LRRC41: variants seen among roughly 807,000 people sequenced by gnomAD.
LRRC41 encodes leucine-rich repeat-containing protein 41.
Under a neutral mutation model 72.1 loss-of-function variants are expected in LRRC41, and 17 were observed. That is an observed-to-expected ratio of 0.24 (90% CI 0.16 to 0.35). The LOEUF (loss-of-function observed/expected upper bound fraction) is 0.35. Ranked by LOEUF, LRRC41 falls within the 10% of genes least tolerant of loss-of-function variation. The pLI, the probability that LRRC41 is intolerant of heterozygous loss-of-function variation, is 1.00. For synonymous variants in LRRC41, 427 were observed against 431.0 expected (o/e 0.99, Z 0.11); for missense variants, 759 against 1,065.0 (o/e 0.71, Z 4.00).
chr1:46,298,271 G>C lies in LRRC41; in HGVS notation c.286+13C>G. On this transcript the variant is annotated intron_variant, in intron 2 of 9. Coordinates refer to ENST00000617190, the MANE Select transcript of LRRC41 (RefSeq NM_006369.5). ...ATAATCATTGACTGAGAAAGAGACA[G>C]AAAGATACTCACCTTTCTTGAGGGC... 6.4e-7 allele frequency: 1 copy of C among 1,552,850 alleles called. No individual in the cohort carries two copies. Among genetic ancestry groups the C allele is most frequent in the Non-Finnish European group, 8.9e-7 (1 of 1,128,256 alleles).
chr1:46,279,679 C>T lies in LRRC41; in HGVS notation c.2021-65G>A. The T allele has an allele frequency of 2.5e-6, 4 of 1,604,606 alleles. No individual in the cohort carries two copies. The highest frequency in any genetic ancestry group is 3.4e-6 in the Non-Finnish European group (4 of 1,173,680). On this transcript the variant is annotated intron_variant, in intron 7 of 9. Coordinates refer to ENST00000617190, the MANE Select transcript of LRRC41 (RefSeq NM_006369.5). This position sits in a 1 kb window ranked among gnomAD's most constrained non-coding sequence, Gnocchi z 4.5. ...AGGACTGGTGCTGCCCCTCCTGCCC[C>T]AGTTGGCCCTAGCAAGGGGTATTAA...
At position 46,277,513 on chromosome 1, in the gene LRRC41, T is replaced by G; in HGVS notation, c.*1352A>C. ...TTGAATGAGTTAGAGTTGGGCTTGG[T>G]GCAGAAATCTGAAGCTGCAGCAGAC... is the stretch of plus-strand genomic sequence containing the variant. On this transcript the variant is annotated 3_prime_UTR_variant, in exon 10 of 10. Transcript: ENST00000617190. 2.2e-6 allele frequency: 1 copy of G among 463,348 alleles called. No homozygotes were observed. Among genetic ancestry groups the G allele is most frequent in the Non-Finnish European group, 4.0e-6 (1 of 252,322 alleles). The allele number at this position is 463,348 out of a possible 1,614,324, so 28.7% of individuals were successfully genotyped here. A position where few individuals can be genotyped will look rare whatever the true frequency, so the allele number is the denominator to read the frequency against.
At chr1:46,290,402 C>T (rs937367800) in intron 3 of LRRC41, among the ~76,000 whole-genome samples, 3 of 152,070 alleles carry the variant, frequency 2.0e-5, no homozygotes, top group African/African-American at 7.2e-5. Context: ...GGAGTGAGAC[C>T]GTCTCAAAAG....
chr1:46,280,683 G>T, intron 5 of LRRC41, 123 bp from the exon 6 acceptor site: 1 of 945,052 alleles, frequency 1.1e-6, no homozygotes, highest in Non-Finnish European at 1.6e-6. Flanking sequence ...GTCGTTGAGT[G>T]CCTACCATAT....
chr1:46,299,783 A>G (rs1176664570), intron 1 of LRRC41: 1 of 151,826 alleles, frequency 6.6e-6, no homozygotes, highest in Non-Finnish European at 1.5e-5. Flanking sequence ...AGGCTGAGGC[A>G]CAAGAATCAC....
rs1236461174 is a variant in LRRC41 at position 46,281,320 on chromosome 1, G to A, written c.1561C>T (p.Arg521Cys). The part of the protein sequence containing the change: ...LRALSGQAGC[R>C]LRALHLSDLF... ...TCACTGAGATGCAGGGCACGGAGGCGACATCCAGCCTGGCCTGACAGGGCC... is the reference window on the plus strand; with the variant it reads ...TCACTGAGATGCAGGGCACGGAGGCAACATCCAGCCTGGCCTGACAGGGCC... Residue 521 changes from arginine to cysteine, a missense_variant, in exon 5 of 10, where the codon CGC becomes TGC. Physicochemically the swap from Arg to Cys is radical, Grantham distance 180. This residue lies in a region of LRRC41 where 427 missense variants were observed against 520.9 expected (regional missense o/e 0.82). Transcript: ENST00000617190. 9 of 1,614,168 alleles carry A rather than the reference G, an allele frequency of 5.6e-6. No homozygotes were observed. Among genetic ancestry groups the A allele is most frequent in the African/African-American group, 1.3e-5 (1 of 75,048 alleles).
chr1:46,295,696 A>G (rs1661109477), intron 3 of LRRC41, among the ~76,000 whole-genome samples: 1 of 152,242 alleles, frequency 6.6e-6, no homozygotes, highest in Non-Finnish European at 1.5e-5. Flanking sequence ...TATAATCTTT[A>G]TCACTTGCTG....
chr1:46,297,949 C>A (rs1235786155), intron 2 of LRRC41, among the ~76,000 whole-genome samples: 1 of 152,162 alleles, frequency 6.6e-6, no homozygotes, highest in Non-Finnish European at 1.5e-5. Context: ...ATGCTTGACA[C>A]ATTAGGGTTA....
chr1:46,277,742 T>C lies in LRRC41; in HGVS notation c.*1123A>G. ...TCGGGTAGCTGTAGTTTCAACCCTT[T>C]GGTTTTCCTGCTCCCTTTTTATGAG... is the stretch of plus-strand genomic sequence containing the variant. On this transcript the variant is annotated 3_prime_UTR_variant, in exon 10 of 10. Transcript: ENST00000617190. The C allele has an allele frequency of 6.7e-7, 1 of 1,502,418 alleles. No homozygotes were observed. The highest frequency in any genetic ancestry group is 9.2e-7 in the Non-Finnish European group (1 of 1,085,924). The allele number at this position is 1,502,418 out of a possible 1,614,324, so 93.1% of individuals were successfully genotyped here.
intron 7 of LRRC41, 121 bp downstream of exon 7, chr1:46,280,071 T>G: frequency 1.4e-6 from 1 of 727,606 alleles, no homozygotes; most frequent in Non-Finnish European, 2.4e-6. Flanking sequence ...ATGCAGGTTC[T>G]ATATCCATTT....
rs1660888234 is a variant in LRRC41 at position 46,286,591 on chromosome 1, C to T, written c.358-92G>A. ...TCCAATAGCACACTATTTACTGAGT[C>T]AGGCAACACTACAAATTCATTTAAT... On this transcript the variant is annotated intron_variant, in intron 3 of 9. Transcript: ENST00000617190. This position sits in a 1 kb window ranked among gnomAD's most constrained non-coding sequence, Gnocchi z 5.5. The T allele has an allele frequency of 1.8e-6, 2 of 1,142,726 alleles. No homozygotes were observed. Among genetic ancestry groups the T allele is most frequent in the African/African-American group, 1.5e-5 (1 of 64,518 alleles). 70.8% of individuals were successfully genotyped at this position (1,142,726 alleles called of 1,614,324 possible). A position where few individuals can be genotyped will look rare whatever the true frequency, so the allele number is the denominator to read the frequency against.
chr1:46,300,951 T>A (rs1047165446), intron 1 of LRRC41, among the ~76,000 whole-genome samples: 9 of 152,118 alleles, frequency 5.9e-5, no homozygotes, highest in Admixed American at 3.9e-4. Flanking sequence ...TCCTCCCCTG[T>A]CTCCTCTCAA....
rs1471613980 is a variant in LRRC41, at chr1:46,303,360, G to A, written c.-38C>T. On this transcript the variant is annotated 5_prime_UTR_variant, in exon 1 of 10. Transcript: ENST00000617190. ...CGCGAGCCCGAGAGTGTCGCCCGCG[G>A]ACCGCCATCTTGAAAAGGTCAGCAG... 3 of 1,466,854 alleles carry A rather than the reference G, an allele frequency of 2.0e-6. No individual in the cohort carries two copies. 90.9% of individuals were successfully genotyped at this position (1,466,854 alleles called of 1,614,324 possible).
intron 3 of LRRC41, among the ~76,000 whole-genome samples, chr1:46,296,332 G>A (rs1661125864): frequency 6.6e-6 from 1 of 152,200 alleles, no homozygotes; most frequent in Non-Finnish European, 1.5e-5. Context: ...CAGGAGAATT[G>A]CTTGAACCCG....
intron 3 of LRRC41, among the ~76,000 whole-genome samples, chr1:46,287,664 T>C (rs959691925): frequency 6.6e-6 from 1 of 152,210 alleles, no homozygotes; most frequent in Non-Finnish European, 1.5e-5. Flanking sequence ...TGTCCTTTCC[T>C]ACATCTACCA....
chr1:46,284,732 A>G (rs959129782), intron 4 of LRRC41, among the ~76,000 whole-genome samples: 2 of 152,096 alleles, frequency 1.3e-5, no homozygotes, highest in Admixed American at 6.6e-5. Context: ...AGGGAAAAGG[A>G]GAGTTTGGAA....
At position 46,286,929 on chromosome 1, in the gene LRRC41, G is replaced by A. The variant is rs1366195930; in HGVS notation, c.358-430C>T. 6.6e-6 allele frequency among the ~76,000 whole-genome samples: 1 copy of A among 151,804 alleles called. No homozygotes were observed. The highest frequency in any genetic ancestry group is 1.5e-5 in the Non-Finnish European group (1 of 67,918). On this transcript the variant is annotated intron_variant, in intron 3 of 9. Coordinates refer to ENST00000617190, the MANE Select transcript of LRRC41 (RefSeq NM_006369.5). This position sits in a 1 kb window ranked among gnomAD's most constrained non-coding sequence, Gnocchi z 5.5. ...TGCCTCCCAGGTTCAAGTGATTCTC[G>A]TGCCTCAGCCTCCAGAGAAGCTGGG...
In LRRC41 at chr1:46,292,258, C is replaced by CA. The variant is rs769710803; in HGVS notation, c.357+5304dup. 5.1e-3 allele frequency among the ~76,000 whole-genome samples: 636 copies of CA among 125,864 alleles called. 2 individuals carry two copies. Among genetic ancestry groups the CA allele is most frequent in the East Asian group, 0.021 (93 of 4,458 alleles). 82.6% of individuals were successfully genotyped at this position (125,864 alleles called of 152,430 possible). On this transcript the variant is annotated intron_variant, in intron 3 of 9. Transcript: ENST00000617190. ...TGGGTGACAGAGAGAGACTCTGTCT[C>CA]AAAAAAAAAAAAAAATTATTGTAGA...
rs1393340649 is a variant in LRRC41 at position 46,303,234 on chromosome 1, G to A, written c.89C>T (p.Ala30Val). ...ATTMEATSRE[A>V]APAKSSASGP... is the part of the protein sequence containing the mutation. ...CGAGGCCGAGCTCTTCGCTGGCGCC[G>A]CCTCCCGGGACGTGGCCTCCATGGT... The change falls in exon 1 of 10, where the codon GCG (alanine) becomes GTG (valine). Residue 30 changes from alanine (A) to valine (V), a missense_variant. Ala to Val is a moderately conservative substitution (Grantham distance 64). This residue lies in a region of LRRC41 where 106 missense variants were observed against 66.1 expected (regional missense o/e 1.60). Transcript: ENST00000617190. The A allele has an allele frequency of 1.3e-6, 2 of 1,555,614 alleles. No individual in the cohort carries two copies. The highest frequency in any genetic ancestry group is 1.2e-5 in the South Asian group (1 of 84,946).
Sources: allele counts gnomAD v4.1 joint callset (sites outside exome capture counted in the v4.1 genomes callset), GRCh38; gene constraint gnomAD v4.1.1; regional missense constraint gnomAD v4.1.1; non-coding constraint Gnocchi (gnomAD v3.1); transcripts MANE v1.5; gene names NCBI Gene and HGNC (gene_info 2026-07-23, HGNC 2026-07-21).